PLXDC2: variants seen among roughly 807,000 people sequenced by gnomAD.
PLXDC2 encodes the protein plexin domain-containing protein 2.
In PLXDC2, 40 loss-of-function variants were observed where a neutral mutation model predicts 68.9. That is an observed-to-expected ratio of 0.58 (90% CI 0.45 to 0.76). PLXDC2 has a LOEUF of 0.76. Among genes scored for constraint, PLXDC2 ranks in the 30% least tolerant of loss-of-function variants. The pLI is 0.00. For synonymous variants in PLXDC2, 243 were observed against 234.2 expected (o/e 1.04, Z -0.34); for missense variants, 644 against 661.9 (o/e 0.97, Z 0.30).
rs1237767266 is a variant in PLXDC2 at position 19,849,310 on chromosome 10, G to A, written c.112+32119G>A. Among the ~76,000 whole-genome samples, 5 of 92,728 alleles carry A rather than the reference G, an allele frequency of 5.4e-5. No individual in the cohort carries two copies. The South Asian group carries it at 1.0e-3, about 19-fold the overall frequency. The allele number at this position is 92,728 out of a possible 152,430, so 60.8% of individuals were successfully genotyped here. On this transcript the variant is annotated intron_variant, in intron 1 of 13. Coordinates refer to ENST00000377252, the MANE Select transcript of PLXDC2 (RefSeq NM_032812.9). ...TATATGTAGACAAGTATTCTGTCTCGCTCTCTCTCTCACACATACACACAC... is the reference window on the plus strand; with the variant it reads ...TATATGTAGACAAGTATTCTGTCTCACTCTCTCTCTCACACATACACACAC...
At chr10:20,163,198 G>A (rs1466884140) in intron 6 of PLXDC2, among the ~76,000 whole-genome samples, 1 of 152,220 alleles carries the variant, frequency 6.6e-6, no homozygotes, top group East Asian at 1.9e-4. Context: ...CACAAAATTT[G>A]CAAACACTTT....
intron 13 of PLXDC2, among the ~76,000 whole-genome samples, chr10:20,248,876 T>G (rs1835634634): frequency 6.6e-6 from 1 of 152,358 alleles, no homozygotes; most frequent in South Asian, 2.1e-4. Context: ...TCCTATCTAC[T>G]TTTGAAGTGA....
chr10:20,158,677 A>ATAAG (rs1399768840), intron 6 of PLXDC2, among the ~76,000 whole-genome samples: 12 of 143,094 alleles, frequency 8.4e-5, no homozygotes, highest in African/African-American at 3.0e-4. Flanking sequence ...AAATAAGTAA[A>ATAAG]TAAATAAATA....
intron 1 of PLXDC2, among the ~76,000 whole-genome samples, chr10:19,881,792 T>C (rs1410604300): frequency 6.6e-6 from 1 of 152,240 alleles, no homozygotes; most frequent in Non-Finnish European, 1.5e-5. Flanking sequence ...TTTCCTGTTG[T>C]AGAAGGCATG....
intron 11 of PLXDC2, among the ~76,000 whole-genome samples, chr10:20,218,053 T>C (rs569148261): frequency 6.6e-5 from 10 of 152,332 alleles, no homozygotes; most frequent in South Asian, 2.1e-4. Context: ...CTATAACCTA[T>C]ACAGAAACAC....
chr10:20,179,952 G>A (rs1032295278), intron 9 of PLXDC2, among the ~76,000 whole-genome samples: 2 of 152,032 alleles, frequency 1.3e-5, no homozygotes, highest in Non-Finnish European at 1.5e-5. Context: ...TACCTGCTCT[G>A]TGTCACACCT....
chr10:20,229,379 G>T (rs1835329227), intron 12 of PLXDC2, among the ~76,000 whole-genome samples: 1 of 152,044 alleles, frequency 6.6e-6, no homozygotes. Context: ...ATGTGTAAAA[G>T]GCCCATCAGG....
intron 12 of PLXDC2, among the ~76,000 whole-genome samples, chr10:20,228,886 G>A (rs1588530749): frequency 6.6e-6 from 1 of 152,160 alleles, no homozygotes; most frequent in African/African-American, 2.4e-5. Flanking sequence ...ACACAGAAAA[G>A]TGACCATGAG....
At chr10:19,820,701 C>T (rs568153947) in intron 1 of PLXDC2, among the ~76,000 whole-genome samples, 1 of 151,366 alleles carries the variant, frequency 6.6e-6, no homozygotes, top group African/African-American at 2.4e-5. Context: ...TCATTTTTTC[C>T]TAAAAGCTAT....
intron 13 of PLXDC2, among the ~76,000 whole-genome samples, chr10:20,276,040 C>A (rs527672059): frequency 2.6e-5 from 4 of 152,270 alleles, no homozygotes; most frequent in Non-Finnish European, 1.5e-5. Flanking sequence ...AAGTCCTACA[C>A]TGGGAAGTGA....
Position 20,068,175 on chromosome 10 carries a change from G to A in PLXDC2, c.477G>A (p.Val159=), listed in dbSNP as rs918088270. 6.2e-7 allele frequency: 1 copy of A among 1,612,294 alleles called. No homozygotes were observed. The highest frequency in any genetic ancestry group is 1.7e-4 in the Middle Eastern group (1 of 6,060). Residue 159 remains valine (V), a synonymous_variant, in exon 4 of 14, where the codon GTG becomes GTA. Coordinates refer to ENST00000377252, the MANE Select transcript of PLXDC2 (RefSeq NM_032812.9). ...LSNTHRQAAR[V]NLSFDFPFYG... is the part of the protein sequence containing the mutation. Reference sequence around the variant, plus strand: ...TCTGGTGTTGTTCTTTGCAGAGAGTGAATCTGTCCTTCGATTTTCCATTTT... The same window carrying A: ...TCTGGTGTTGTTCTTTGCAGAGAGTAAATCTGTCCTTCGATTTTCCATTTT...
rs1185246147 is a variant in PLXDC2, at chr10:20,285,185, T to G, written c.*5366T>G. Reference sequence around the variant, plus strand: ...CTTATAAGGTTTTTTGGGCAGATAATGCGAGGTCTGTGGTGTTACCTTTTA... The same window carrying G: ...CTTATAAGGTTTTTTGGGCAGATAAGGCGAGGTCTGTGGTGTTACCTTTTA... On this transcript the variant is annotated 3_prime_UTR_variant, in exon 14 of 14. Coordinates refer to ENST00000377252, the MANE Select transcript of PLXDC2 (RefSeq NM_032812.9). 3 of 152,240 alleles carry G rather than the reference T, an allele frequency of 2.0e-5. No individual in the cohort carries two copies. The highest frequency in any genetic ancestry group is 6.5e-5 in the Admixed American group (1 of 15,290). The allele number at this position is 152,240 out of a possible 1,614,324, so 9.4% of individuals were successfully genotyped here.
intron 12 of PLXDC2, among the ~76,000 whole-genome samples, chr10:20,238,430 T>C (rs1018640751): frequency 1.0e-4 from 15 of 150,302 alleles, no homozygotes; most frequent in African/African-American, 3.2e-4. Context: ...ATGTATCACT[T>C]GAGGTCAGGA....
At chr10:19,919,654 G>A (rs544304642) in intron 1 of PLXDC2, among the ~76,000 whole-genome samples, 1 of 152,272 alleles carries the variant, frequency 6.6e-6, no homozygotes, top group African/African-American at 2.4e-5. Context: ...TTTTCTTTTT[G>A]ATATATACCT....
At chr10:20,172,230 G>GAAAAAAA (rs571463676) in intron 7 of PLXDC2, among the ~76,000 whole-genome samples, 2 of 110,592 alleles carry the variant, frequency 1.8e-5, no homozygotes, top group East Asian at 2.6e-4. Context: ...TTGTGAAAAG[G>GAAAAAAA]AAAAAAAAAA....
intron 6 of PLXDC2, among the ~76,000 whole-genome samples, chr10:20,149,252 T>TTTTTTTTTTTTTTTTTTTTTTTTTTTTC (rs1834121083): frequency 7.1e-6 from 1 of 140,490 alleles, no homozygotes; most frequent in Non-Finnish European, 1.5e-5. Flanking sequence ...TTTTTTTTTT[T>TTTTTTTTTTTTTTTTTTTTTTTTTTTTC]TTTGAGTTGG....
chr10:20,248,812 A>G (rs918420777), intron 13 of PLXDC2, among the ~76,000 whole-genome samples: 6 of 152,358 alleles, frequency 3.9e-5, no homozygotes, highest in African/African-American at 1.4e-4. Context: ...TGCATAAATG[A>G]GGGAACTGAA....
chr10:20,044,213 CTTTCTT>C (rs1162599098), intron 2 of PLXDC2, among the ~76,000 whole-genome samples: 28 of 6,616 alleles, frequency 4.2e-3, no homozygotes, highest in Admixed American at 0.014. Context: ...CTCTCTCTGT[CTTTCTT>C]TCTTTCTTTC....
chr10:19,924,067 C>T (rs2884505), intron 1 of PLXDC2, among the ~76,000 whole-genome samples: 21,905 of 152,048 alleles, frequency 0.14, 1,888 homozygotes, highest in South Asian at 0.24. Flanking sequence ...GTACAGTTCC[C>T]GGAAGTCCCA....
Sources: allele counts gnomAD v4.1 joint callset (sites outside exome capture counted in the v4.1 genomes callset), GRCh38; gene constraint gnomAD v4.1.1; transcripts MANE v1.5; gene names NCBI Gene and HGNC (gene_info 2026-07-23, HGNC 2026-07-21).